SMYD3: variants seen among roughly 807,000 people sequenced by gnomAD.
SMYD3 encodes SET and MYND domain containing 3, also known as histone-lysine N-methyltransferase SMYD3.
Under a neutral mutation model 57.7 loss-of-function variants are expected in SMYD3, and 36 were observed. That is an observed-to-expected ratio of 0.62 (90% CI 0.48 to 0.82). The LOEUF is 0.82. SMYD3 is among the 40% of genes least tolerant of loss of function. The pLI is 0.00. For synonymous variants in SMYD3, 211 were observed against 195.0 expected (o/e 1.08, Z -0.68); for missense variants, 515 against 538.8 (o/e 0.96, Z 0.44).
chr1:246,079,037 G>A (rs2060594589), intron 5 of SMYD3, among the ~76,000 whole-genome samples: 1 of 151,018 alleles, frequency 6.6e-6, no homozygotes, highest in African/African-American at 2.4e-5. Flanking sequence ...TTAGAGTAAA[G>A]TGAAAGCAAC....
At chr1:246,084,314 C>T (rs1030924240) in intron 5 of SMYD3, among the ~76,000 whole-genome samples, 1 of 151,616 alleles carries the variant, frequency 6.6e-6, no homozygotes, top group Non-Finnish European at 1.5e-5. Context: ...ATTCTGGGCT[C>T]AAACGATCCT....
intron 5 of SMYD3, among the ~76,000 whole-genome samples, chr1:246,272,552 T>C (rs1214816605): frequency 6.6e-6 from 1 of 152,180 alleles, no homozygotes; most frequent in Non-Finnish European, 1.5e-5. Flanking sequence ...GGGGTTTTTT[T>C]CCCCCTACAA....
chr1:245,772,692 G>A (rs2046385287), intron 10 of SMYD3, among the ~76,000 whole-genome samples: 1 of 151,936 alleles, frequency 6.6e-6, no homozygotes, highest in Non-Finnish European at 1.5e-5. Flanking sequence ...TTAGAAGTAG[G>A]GTTTTCTTAC....
chr1:246,134,095 T>C (rs1269862281), intron 5 of SMYD3, among the ~76,000 whole-genome samples: 1 of 152,134 alleles, frequency 6.6e-6, no homozygotes, highest in Non-Finnish European at 1.5e-5. Context: ...AATTTTCCTT[T>C]ATATATCACA....
chr1:245,833,332 G>A (rs949716799), intron 10 of SMYD3, among the ~76,000 whole-genome samples: 1 of 152,116 alleles, frequency 6.6e-6, no homozygotes, highest in Non-Finnish European at 1.5e-5. Context: ...TTTATGTTCT[G>A]TTCTGACAAC....
intron 10 of SMYD3, among the ~76,000 whole-genome samples, chr1:245,821,234 A>G (rs2049138797): frequency 6.7e-6 from 1 of 150,256 alleles, no homozygotes; most frequent in South Asian, 2.2e-4. Context: ...GTCCTCAGAA[A>G]TAACGCCACA....
At chr1:246,129,237 T>A (rs1040037114) in intron 5 of SMYD3, among the ~76,000 whole-genome samples, 2 of 152,140 alleles carry the variant, frequency 1.3e-5, no homozygotes, top group Non-Finnish European at 2.9e-5. Context: ...CTAAAAAAAA[T>A]TAAGCCTTTA....
At chr1:246,100,313 G>C (rs1030311940) in intron 5 of SMYD3, among the ~76,000 whole-genome samples, 1 of 152,206 alleles carries the variant, frequency 6.6e-6, no homozygotes, top group Non-Finnish European at 1.5e-5. Flanking sequence ...TTGTGGAAAA[G>C]CCAGGTAGGT....
chr1:246,037,934 T>C (rs2059804880), intron 5 of SMYD3, among the ~76,000 whole-genome samples: 1 of 152,186 alleles, frequency 6.6e-6, no homozygotes, highest in South Asian at 2.1e-4. Flanking sequence ...TACTGTTGGT[T>C]TTGTGGACCA....
intron 8 of SMYD3, among the ~76,000 whole-genome samples, chr1:245,881,922 C>T (rs1393901516): frequency 6.6e-6 from 1 of 152,172 alleles, no homozygotes; most frequent in Non-Finnish European, 1.5e-5. Context: ...CGGCATATTC[C>T]AGCCGTGAGC....
intron 5 of SMYD3, among the ~76,000 whole-genome samples, chr1:246,015,641 C>T (rs918086091): frequency 1.7e-4 from 26 of 152,158 alleles, no homozygotes; most frequent in African/African-American, 5.8e-4. Context: ...GCCATTCCGT[C>T]TCTATGAATT....
intron 10 of SMYD3, among the ~76,000 whole-genome samples, chr1:245,817,466 T>G (rs1022605051): frequency 4.0e-5 from 6 of 150,854 alleles, no homozygotes; most frequent in African/African-American, 7.3e-5. Flanking sequence ...ACAGAAAAAC[T>G]GGAAACTCTA....
intron 5 of SMYD3, among the ~76,000 whole-genome samples, chr1:246,198,993 C>T (rs971881183): frequency 6.6e-6 from 1 of 152,006 alleles, no homozygotes; most frequent in East Asian, 1.9e-4. Flanking sequence ...ATTTTAGATT[C>T]GGGGGTACAT....
rs1326915465 is a variant in SMYD3 at position 245,818,875 on chromosome 1, A to G, written c.1076+39621T>C. On this transcript the variant is annotated intron_variant, in intron 10 of 11. Coordinates refer to ENST00000490107, the MANE Select transcript of SMYD3 (RefSeq NM_001167740.2). ...TAAATATATATGCATCCAATACAGGAGCACCCAGATTCATAAAGCAAGTCC... is the reference window on the plus strand; with the variant it reads ...TAAATATATATGCATCCAATACAGGGGCACCCAGATTCATAAAGCAAGTCC... Among the ~76,000 whole-genome samples, 64 of 145,680 alleles carry G rather than the reference A, an allele frequency of 4.4e-4. No individual in the cohort carries two copies. The Middle Eastern group carries it at 0.017, about 40-fold the overall frequency.
At chr1:246,481,621 T>TATATATATAC (rs1307881494) in intron 1 of SMYD3, among the ~76,000 whole-genome samples, 4,088 of 98,016 alleles carry the variant, frequency 0.042, 389 homozygotes, top group East Asian at 0.064. Flanking sequence ...CATACATATA[T>TATATATATAC]ACATACATAC....
chr1:246,298,069 C>T (rs2064826718), intron 5 of SMYD3, among the ~76,000 whole-genome samples: 1 of 152,050 alleles, frequency 6.6e-6, no homozygotes, highest in African/African-American at 2.4e-5. Flanking sequence ...TCTCTTGCTA[C>T]ACCCTCTTCT....
intron 5 of SMYD3, among the ~76,000 whole-genome samples, chr1:246,182,742 C>T (rs1200452122): frequency 6.6e-6 from 1 of 152,144 alleles, no homozygotes; most frequent in African/African-American, 2.4e-5. Context: ...ACACCTTTAC[C>T]CATAATCCAT....
At chr1:246,045,291 C>T (rs192995643) in intron 5 of SMYD3, among the ~76,000 whole-genome samples, 3 of 152,140 alleles carry the variant, frequency 2.0e-5, no homozygotes, top group East Asian at 1.9e-4. Context: ...GAGAGATAGA[C>T]CAATGGAACA....
chr1:246,051,652 CAA>C (rs199982021), intron 5 of SMYD3, among the ~76,000 whole-genome samples: 10 of 131,622 alleles, frequency 7.6e-5, no homozygotes, highest in African/African-American at 8.3e-5. Context: ...TTCTGCAGTA[CAA>C]AAAAAAAAAA....
Sources: gnomAD v4.1 joint callset for allele counts (sites outside exome capture counted in the v4.1 genomes callset) on GRCh38, gnomAD v4.1.1 for gene constraint, MANE v1.5 for transcripts, NCBI Gene and HGNC (gene_info 2026-07-23, HGNC 2026-07-21) for gene names.